LRRC31: variants seen among roughly 807,000 people sequenced by gnomAD.
The protein encoded by LRRC31 is leucine rich repeat containing 31.
In LRRC31, 35 loss-of-function variants were observed where a neutral mutation model predicts 46.7. The observed-to-expected ratio is 0.75, with a 90% CI of 0.57 to 0.99. The LOEUF is 0.99. Among genes scored for constraint, LRRC31 ranks in the 50% least tolerant of loss-of-function variants. LRRC31 has a pLI of 0.00. For missense variants in LRRC31, 613 were observed against 626.1 expected (o/e 0.98, Z 0.22); for synonymous variants, 236 against 235.1 (o/e 1.00, Z -0.03).
chr3:169,866,435 A>C (rs1321705364), intron 1 of LRRC31, among the ~76,000 whole-genome samples: 1 of 152,232 alleles, frequency 6.6e-6, no homozygotes, highest in African/African-American at 2.4e-5. Flanking sequence ...TGTTAATTTA[A>C]TCACAATTAC....
chr3:169,857,415 C>CATATATATATATATAT lies in LRRC31; in HGVS notation c.488-544_488-543insATATATATATATATAT, dbSNP rs1553924970. On this transcript the variant is annotated intron_variant, in intron 3 of 8. Coordinates refer to ENST00000316428, the MANE Select transcript of LRRC31 (RefSeq NM_024727.4). ...ATACATACACACACATATACATATACATATATATATATATGAGGAATATCA... is the reference window on the plus strand; with the variant it reads ...ATACATACACACACATATACATATACATATATATATATATATATATATATATATATGAGGAATATCA... Among the ~76,000 whole-genome samples, 88 of 98,686 alleles carry CATATATATATATATAT rather than the reference C, an allele frequency of 8.9e-4. 2 individuals are homozygous for CATATATATATATATAT. Among genetic ancestry groups the CATATATATATATATAT allele is most frequent in the African/African-American group, 3.1e-3 (87 of 27,630 alleles). 64.7% of individuals were successfully genotyped at this position (98,686 alleles called of 152,430 possible). A position where few individuals can be genotyped will look rare whatever the true frequency, so the allele number is the denominator to read the frequency against.
At position 169,854,947 on chromosome 3, in the gene LRRC31, T is replaced by A; in HGVS notation, c.857A>T (p.Lys286Ile). Residue 286 changes from lysine (K) to isoleucine (I), a missense_variant, in exon 6 of 9, where the codon AAA becomes ATA. By Grantham distance (102) the Lys-to-Ile change is moderately radical. Coordinates refer to ENST00000316428, the MANE Select transcript of LRRC31 (RefSeq NM_024727.4). The stretch of plus-strand genomic sequence containing the variant: ...ATCCTTATTGCAGGAAAGATCTAAT[T>A]TCCTCAGCTCACCCAAATACCTAAA... ...AAFRYLGELR[K>I]LDLSCNKDLG... The A allele has an allele frequency of 6.2e-7, 1 of 1,612,042 alleles. No homozygotes were observed. Among genetic ancestry groups the A allele is most frequent in the Non-Finnish European group, 8.5e-7 (1 of 1,179,954 alleles).
intron 8 of LRRC31, among the ~76,000 whole-genome samples, chr3:169,840,535 C>A (rs967539218): frequency 2.2e-4 from 33 of 152,134 alleles, no homozygotes; most frequent in African/African-American, 7.7e-4. Context: ...CAAATCTCAA[C>A]CCAATAATTT....
chr3:169,855,188 C>CT (rs1297490511), intron 5 of LRRC31, among the ~76,000 whole-genome samples: 8 of 152,080 alleles, frequency 5.3e-5, no homozygotes. Flanking sequence ...CTTTGGGAGG[C>CT]TGAGAGGGTG....
At chr3:169,865,591 A>G (rs1473404259) in intron 1 of LRRC31, among the ~76,000 whole-genome samples, 1 of 152,252 alleles carries the variant, frequency 6.6e-6, no homozygotes, top group African/African-American at 2.4e-5. Flanking sequence ...AGGAACCAAC[A>G]TAACAAGTTC....
chr3:169,841,039 AG>A (rs1780433087), intron 8 of LRRC31, among the ~76,000 whole-genome samples: 2 of 152,234 alleles, frequency 1.3e-5, no homozygotes, highest in South Asian at 4.1e-4. Context: ...CAGCGTTGCA[AG>A]GGATCTTGGA....
Position 169,848,220 on chromosome 3 carries a change from G to C in LRRC31, c.1227C>G (p.Gly409=). 1 of 1,614,176 alleles carries C rather than the reference G, an allele frequency of 6.2e-7. No homozygotes were observed. Among genetic ancestry groups the C allele is most frequent in the Non-Finnish European group, 8.5e-7 (1 of 1,180,014 alleles). Residue 409 remains glycine, a synonymous_variant, in exon 8 of 9, where the codon GGC becomes GGG. Coordinates refer to ENST00000316428, the MANE Select transcript of LRRC31 (RefSeq NM_024727.4). ...GTGTTTCCAGAAGCAGCTTCAAGTT[G>C]CCACCAACACACTTGTTCCAAGAAA... is the stretch of plus-strand genomic sequence containing the variant. The part of the protein sequence containing the change: ...FNLSWNKCVG[G]NLKLLLETLK...
At chr3:169,849,999 G>A (rs965067096) in intron 7 of LRRC31, among the ~76,000 whole-genome samples, 2 of 152,114 alleles carry the variant, frequency 1.3e-5, no homozygotes, top group Non-Finnish European at 2.9e-5. Context: ...CCCCATACAC[G>A]TGATTGGAGT....
intron 1 of LRRC31, among the ~76,000 whole-genome samples, chr3:169,862,218 G>A (rs1781188397): frequency 6.6e-6 from 1 of 152,222 alleles, no homozygotes; most frequent in South Asian, 2.1e-4. Context: ...AACCAAACAG[G>A]TGAAGAAGGG....
rs1560629829 is a variant in LRRC31 at position 169,857,317 on chromosome 3, C to CATATATATATAT, written c.488-446_488-445insATATATATATAT. On this transcript the variant is annotated intron_variant, in intron 3 of 8. Transcript: ENST00000316428. ...TCTCCAATGTCAAGAATATCACATG[C>CATATATATATAT]CTATATATATATATATATATATATA... 4.9e-4 allele frequency among the ~76,000 whole-genome samples: 27 copies of CATATATATATAT among 55,512 alleles called. 2 individuals carry two copies. The highest frequency in any genetic ancestry group is 1.8e-3 in the African/African-American group (27 of 15,368). The allele number at this position is 55,512 out of a possible 152,430, so 36.4% of individuals were successfully genotyped here.
chr3:169,857,345 T>TATATATATATATATATACACACACAC (rs1491209579), intron 3 of LRRC31, among the ~76,000 whole-genome samples: 1 of 89,448 alleles, frequency 1.1e-5, no homozygotes. Flanking sequence ...TATATATATA[T>TATATATATATATATATACACACACAC]ACACACACAC....
chr3:169,867,038 GTT>G (rs1324128884), intron 1 of LRRC31, among the ~76,000 whole-genome samples: 2 of 126,312 alleles, frequency 1.6e-5, no homozygotes, highest in African/African-American at 4.5e-5. Flanking sequence ...TTGGCCATGG[GTT>G]TTTTTTGTTT....
At chr3:169,845,032 CTAACAGA>C (rs1435025891) in intron 8 of LRRC31, among the ~76,000 whole-genome samples, 12 of 151,776 alleles carry the variant, frequency 7.9e-5, no homozygotes, top group African/African-American at 2.7e-4. Flanking sequence ...TATCCTACAG[CTAACAGA>C]TGAGTTTAGC....
chr3:169,855,656 T>C (rs1160146406), intron 5 of LRRC31, among the ~76,000 whole-genome samples: 1 of 152,232 alleles, frequency 6.6e-6, no homozygotes, highest in African/African-American at 2.4e-5. Flanking sequence ...GTTTTAACTG[T>C]GGACGCCATC....
chr3:169,842,115 CTATTTTATTA>C (rs780535474), intron 8 of LRRC31, among the ~76,000 whole-genome samples: 7 of 151,630 alleles, frequency 4.6e-5, no homozygotes, highest in South Asian at 2.1e-4. Context: ...TGTGAGCACC[CTATTTTATTA>C]TATTTTATTA....
intron 8 of LRRC31, among the ~76,000 whole-genome samples, chr3:169,846,960 T>C (rs942790743): frequency 6.6e-6 from 1 of 152,170 alleles, no homozygotes; most frequent in South Asian, 2.1e-4. Flanking sequence ...TAGGCCCATG[T>C]GCCGTGTCAT....
chr3:169,856,603 C>A, intron 4 of LRRC31, 100 bp from the exon 5 acceptor site: 1 of 1,387,306 alleles, frequency 7.2e-7, no homozygotes, highest in Non-Finnish European at 9.6e-7. Flanking sequence ...TCCCCTCCTA[C>A]ATACCCTTCT....
intron 8 of LRRC31, 132 bp downstream of exon 8, chr3:169,847,985 TTGG>T (rs1780654501): frequency 2.6e-6 from 2 of 761,152 alleles, no homozygotes; most frequent in Non-Finnish European, 4.2e-6. Context: ...TCGGCAGATG[TTGG>T]TGAGAAGGGA....
rs879639867 is a variant in LRRC31, at chr3:169,839,172, T to A, written c.*810A>T. The stretch of plus-strand genomic sequence containing the variant: ...AAAATAGTTTAGAGCAACACAAAAC[T>A]GTCATTAACGAATTAAATTAGTTTT... On this transcript the variant is annotated 3_prime_UTR_variant, in exon 9 of 9. Coordinates refer to ENST00000316428, the MANE Select transcript of LRRC31 (RefSeq NM_024727.4). 7.9e-5 allele frequency: 12 copies of A among 152,266 alleles called. No homozygotes were observed. The highest frequency in any genetic ancestry group is 1.3e-4 in the Non-Finnish European group (9 of 68,048). The allele number at this position is 152,266 out of a possible 1,614,324, so 9.4% of individuals were successfully genotyped here.
Sources: allele counts gnomAD v4.1 joint callset (sites outside exome capture counted in the v4.1 genomes callset), GRCh38; gene constraint gnomAD v4.1.1; transcripts MANE v1.5; gene names NCBI Gene and HGNC (gene_info 2026-07-23, HGNC 2026-07-21).